Variants in ACAD11 observed in about 807,000 individuals in gnomAD.
ACAD11 encodes the protein acyl-Coenzyme A dehydrogenase family, member 11.
In ACAD11, 83 loss-of-function variants were observed where a neutral mutation model predicts 102.2. The observed-to-expected ratio is 0.81, with a 90% CI of 0.68 to 0.97. The LOEUF is 0.97. Among genes scored for constraint, ACAD11 ranks in the 50% least tolerant of loss-of-function variants. The probability of loss-of-function intolerance (pLI) is 0.00; values close to 1 mark genes in which losing one functional copy is unlikely to be tolerated. For synonymous variants in ACAD11, 324 were observed against 319.8 expected (o/e 1.01, Z -0.14); for missense variants, 901 against 951.7 (o/e 0.95, Z 0.70).
At chr3:132,585,596 C>T (rs1488712826) in intron 13 of ACAD11, among the ~76,000 whole-genome samples, 4 of 152,140 alleles carry the variant, frequency 2.6e-5, no homozygotes, top group Non-Finnish European at 5.9e-5. Flanking sequence ...ACTCATCTGA[C>T]AAAGGGCTAA....
At chr3:132,608,933 C>T (rs1251138661) in intron 11 of ACAD11, among the ~76,000 whole-genome samples, 1 of 152,102 alleles carries the variant, frequency 6.6e-6, no homozygotes, top group Non-Finnish European at 1.5e-5. Flanking sequence ...GAAATCATAA[C>T]AAAAAGACTC....
At chr3:132,577,114 AT>A in intron 15 of ACAD11, 99 bp from the exon 16 acceptor site, 1 of 773,872 alleles carries the variant, frequency 1.3e-6, no homozygotes, top group Non-Finnish European at 2.1e-6. Flanking sequence ...AGAAAATAGG[AT>A]TTCAAAGATC....
chr3:132,659,564 A>G lies in ACAD11; in HGVS notation c.149+39T>C, dbSNP rs75759619. On this transcript the variant is annotated intron_variant, in intron 1 of 19. Coordinates refer to ENST00000264990, the MANE Select transcript of ACAD11 (RefSeq NM_032169.5). ...CCAAAGGAAGGAAAACTCAATGTAC[A>G]AATTTTTTTCCGCTGGAGGCAAAGG... 1,751 of 1,608,062 alleles carry G rather than the reference A, an allele frequency of 1.1e-3. 16 individuals carry two copies. In the African/African-American group the frequency reaches 0.02, roughly 19 times the overall value.
chr3:132,628,645 A>C (rs1939917777), intron 7 of ACAD11, among the ~76,000 whole-genome samples, 199 bp from the exon 8 acceptor site: 1 of 152,206 alleles, frequency 6.6e-6, no homozygotes. Flanking sequence ...TACAGTTCAC[A>C]TACTCTCATC....
chr3:132,651,786 G>A (rs1202581769), intron 1 of ACAD11, among the ~76,000 whole-genome samples: 1 of 152,194 alleles, frequency 6.6e-6, no homozygotes, highest in Non-Finnish European at 1.5e-5. Context: ...GACTTGCATG[G>A]GGCCTGTAGC....
intron 1 of ACAD11, among the ~76,000 whole-genome samples, chr3:132,658,759 T>C (rs902072657): frequency 6.6e-6 from 1 of 152,204 alleles, no homozygotes; most frequent in East Asian, 1.9e-4. Context: ...AGTCAAAGAA[T>C]ATAAATGCTA....
At chr3:132,612,309 G>A (rs950171551) in intron 11 of ACAD11, among the ~76,000 whole-genome samples, 2 of 151,944 alleles carry the variant, frequency 1.3e-5, no homozygotes, top group African/African-American at 4.8e-5. Context: ...CAGGACATAG[G>A]TATGGGCAAG....
Position 132,558,997 on chromosome 3 carries a change from C to T in ACAD11, c.2317G>A (p.Ala773Thr). ...TATATCTTGGCTGTCAGTCTTTTGG[C>T]TTGGTCCCGCAGCTCCATTGTTGCG... ...AIATMELRDQ[A>T]KRLTAKI The change falls in exon 20 of 20, where the codon GCC becomes ACC. Residue 773 changes from alanine (A) to threonine (T), a missense_variant. Coordinates refer to ENST00000264990, the MANE Select transcript of ACAD11 (RefSeq NM_032169.5). The T allele has an allele frequency of 6.2e-7, 1 of 1,613,518 alleles. No homozygotes were observed. Among genetic ancestry groups the T allele is most frequent in the African/African-American group, 1.3e-5 (1 of 75,048 alleles).
At chr3:132,600,329 A>T in intron 13 of ACAD11, 12 of 1,373,658 alleles carry the variant, frequency 8.7e-6, no homozygotes, top group Non-Finnish European at 1.2e-5. Flanking sequence ...CTTGATAAAA[A>T]CTGTTTCCTT....
chr3:132,605,871 A>G (rs1167315414), intron 11 of ACAD11, among the ~76,000 whole-genome samples: 1 of 152,220 alleles, frequency 6.6e-6, no homozygotes, highest in Non-Finnish European at 1.5e-5. Flanking sequence ...AAAATACTTG[A>G]TAATTCTCAA....
intron 9 of ACAD11, among the ~76,000 whole-genome samples, chr3:132,623,826 C>A (rs1939697672): frequency 6.6e-6 from 1 of 152,166 alleles, no homozygotes; most frequent in Admixed American, 6.5e-5. Flanking sequence ...AATGAAAGAA[C>A]AAGCCTGCCT....
At chr3:132,598,386 C>A (rs1258801168) in intron 13 of ACAD11, among the ~76,000 whole-genome samples, 4 of 152,174 alleles carry the variant, frequency 2.6e-5, no homozygotes, top group Non-Finnish European at 5.9e-5. Context: ...CAGCTTTATA[C>A]CTGTTGGCAA....
intron 2 of ACAD11, among the ~76,000 whole-genome samples, chr3:132,644,010 C>A (rs1467802771): frequency 1.3e-5 from 2 of 151,960 alleles, no homozygotes; most frequent in Non-Finnish European, 2.9e-5. Flanking sequence ...ATAAAAGTTA[C>A]CCAACTTTTT....
At chr3:132,657,415 T>A (rs1444750096) in intron 1 of ACAD11, among the ~76,000 whole-genome samples, 2 of 152,206 alleles carry the variant, frequency 1.3e-5, no homozygotes, top group Non-Finnish European at 2.9e-5. Flanking sequence ...CTGCTATCCT[T>A]AGCCCTTCGC....
At chr3:132,562,541 C>T (rs1937092981) in intron 17 of ACAD11, among the ~76,000 whole-genome samples, 1 of 152,170 alleles carries the variant, frequency 6.6e-6, no homozygotes, top group Non-Finnish European at 1.5e-5. Flanking sequence ...AGTGGTTGTA[C>T]ATTTTGCATT....
chr3:132,575,869 T>C lies in ACAD11; in HGVS notation c.1904A>G (p.His635Arg). The C allele has an allele frequency of 1.2e-6, 2 of 1,614,010 alleles. No individual in the cohort carries two copies. Among genetic ancestry groups the C allele is most frequent in the African/African-American group, 1.3e-5 (1 of 75,008 alleles). The change falls in exon 17 of 20, where the codon CAC becomes CGC. Residue 635 changes from histidine to arginine, a missense_variant. Transcript: ENST00000264990. ...CGCCAAACCTACTGTTCTCATACAG[T>C]GGTGGATTCTGCCAGGTCCAAGGCG... Reference protein sequence around the residue: ...QGRLGPGRIHHCMRTVGLAER... With the variant: ...QGRLGPGRIHRCMRTVGLAER...
intron 17 of ACAD11, among the ~76,000 whole-genome samples, chr3:132,567,408 GA>G (rs1255455230): frequency 1.3e-5 from 2 of 152,012 alleles, no homozygotes; most frequent in East Asian, 3.9e-4. Flanking sequence ...AAGGTAACTA[GA>G]TAGATAGATA....
chr3:132,587,795 G>A (rs1233825701), intron 13 of ACAD11, among the ~76,000 whole-genome samples: 1 of 152,162 alleles, frequency 6.6e-6, no homozygotes, highest in East Asian at 1.9e-4. Context: ...CACAATTCAG[G>A]TGGATGGGAA....
At chr3:132,621,641 A>G (rs1939611611) in intron 9 of ACAD11, among the ~76,000 whole-genome samples, 1 of 152,212 alleles carries the variant, frequency 6.6e-6, no homozygotes, top group South Asian at 2.1e-4. Flanking sequence ...CTGAGTTGCA[A>G]GAAGGAATAG....
Sources: allele counts gnomAD v4.1 joint callset (sites outside exome capture counted in the v4.1 genomes callset), GRCh38; gene constraint gnomAD v4.1.1; transcripts MANE v1.5; gene names NCBI Gene and HGNC (gene_info 2026-07-23, HGNC 2026-07-21).